LRRC69: variants seen among roughly 807,000 people sequenced by gnomAD.
LRRC69 encodes leucine rich repeat containing 69.
A neutral mutation model predicts 37.8 loss-of-function variants in LRRC69; 42 were observed. The observed-to-expected ratio is 1.11, with a 90% CI of 0.87 to 1.44. LRRC69 has a LOEUF of 1.44. Among genes scored for constraint, LRRC69 ranks in the 40% most tolerant of loss-of-function variants. The probability of loss-of-function intolerance (pLI) is 0.00; values close to 1 mark genes in which losing one functional copy is unlikely to be tolerated. For synonymous variants in LRRC69, 141 were observed against 143.1 expected, an observed-to-expected ratio of 0.99 and a Z score of 0.11; for missense variants, 357 against 401.9, an observed-to-expected ratio of 0.89 and a Z score of 0.96.
chr8:91,208,490 T>A (rs1809846194), intron 7 of LRRC69, among the ~76,000 whole-genome samples: 1 of 151,878 alleles, frequency 6.6e-6, no homozygotes, highest in South Asian at 2.1e-4. Context: ...ACAGGGAGAG[T>A]GGCACAAATT....
intron 5 of LRRC69, among the ~76,000 whole-genome samples, chr8:91,140,990 C>A (rs373183511): frequency 6.6e-6 from 1 of 151,924 alleles, no homozygotes; most frequent in Non-Finnish European, 1.5e-5. Context: ...GTTCTTCTAC[C>A]TTTTCTTTAT....
chr8:91,133,912 G>T (rs921540961), intron 4 of LRRC69, among the ~76,000 whole-genome samples: 1 of 151,980 alleles, frequency 6.6e-6, no homozygotes, highest in East Asian at 1.9e-4. Flanking sequence ...GATTATAGGC[G>T]TGAGCCACCG....
chr8:91,143,994 A>G (rs1309194577), intron 5 of LRRC69, among the ~76,000 whole-genome samples: 1 of 152,058 alleles, frequency 6.6e-6, no homozygotes, highest in African/African-American at 2.4e-5. Flanking sequence ...ACTTGTATAC[A>G]TCACATTGTT....
chr8:91,136,717 CT>C (rs1291314827), intron 5 of LRRC69, among the ~76,000 whole-genome samples: 1 of 151,930 alleles, frequency 6.6e-6, no homozygotes, highest in African/African-American at 2.4e-5. Context: ...GAAATAAGAT[CT>C]TTCCCCCCTT....
At chr8:91,151,633 A>T (rs1808739554) in intron 5 of LRRC69, among the ~76,000 whole-genome samples, 1 of 151,580 alleles carries the variant, frequency 6.6e-6, no homozygotes, top group Non-Finnish European at 1.5e-5. Flanking sequence ...TAATAGAATG[A>T]TTTATATCCC....
At chr8:91,155,831 C>T (rs1434782089) in intron 5 of LRRC69, among the ~76,000 whole-genome samples, 3 of 149,456 alleles carry the variant, frequency 2.0e-5, no homozygotes, top group African/African-American at 7.3e-5. Flanking sequence ...CTTTTTATGA[C>T]TAAATAATAT....
intron 3 of LRRC69, among the ~76,000 whole-genome samples, chr8:91,131,137 T>C (rs1248226889): frequency 1.3e-5 from 2 of 152,062 alleles, no homozygotes; most frequent in Admixed American, 1.3e-4. Context: ...TTGTAAGTTT[T>C]GAAATCAGGT....
At chr8:91,130,297 AG>A (rs1281515314) in intron 3 of LRRC69, 1 of 152,008 alleles carries the variant, frequency 6.6e-6, no homozygotes, top group African/African-American at 2.4e-5. Context: ...TTATTGAGAC[AG>A]AGTCTGGCCC....
exon 2 of LRRC69, chr8:91,124,498 A>G (rs1563596660): frequency 6.5e-7 from 1 of 1,532,562 alleles, no homozygotes; most frequent in East Asian, 2.5e-5. Context: ...TGCAGTTGAC[A>G]ACACTAAATC....
chr8:91,198,683 T>C (rs1340365725), intron 6 of LRRC69, among the ~76,000 whole-genome samples: 3 of 152,142 alleles, frequency 2.0e-5, no homozygotes, highest in Admixed American at 2.0e-4. Flanking sequence ...AAGGAGCAAT[T>C]TGAGTATTTT....
At chr8:91,169,595 T>A (rs1809089726) in intron 5 of LRRC69, among the ~76,000 whole-genome samples, 1 of 150,352 alleles carries the variant, frequency 6.7e-6, no homozygotes, top group African/African-American at 2.5e-5. Flanking sequence ...TATGTATACA[T>A]GTGCCATGCT....
At chr8:91,181,678 G>C (rs1296435636) in intron 5 of LRRC69, among the ~76,000 whole-genome samples, 1 of 152,176 alleles carries the variant, frequency 6.6e-6, no homozygotes, top group Non-Finnish European at 1.5e-5. Flanking sequence ...TATCAAGAGA[G>C]ACATTGTAGA....
intron 3 of LRRC69, among the ~76,000 whole-genome samples, chr8:91,129,360 T>A (rs1189131851): frequency 6.6e-6 from 1 of 152,012 alleles, no homozygotes; most frequent in Non-Finnish European, 1.5e-5. Flanking sequence ...AGATTTTCTT[T>A]GGAAAAGTAG....
At chr8:91,157,806 A>G in intron 5 of LRRC69, 1 of 1,607,660 alleles carries the variant, frequency 6.2e-7, no homozygotes, top group Non-Finnish European at 8.5e-7. Flanking sequence ...GAATGGGATT[A>G]TTCCCCACAA....
rs1809176895 is a variant in LRRC69 at position 91,173,905 on chromosome 8, A to G, written c.652-15617A>G. The stretch of plus-strand genomic sequence containing the variant: ...TTTCAACATAACGAATTTTTGGGGG[A>G]CACAAACATTCAGACCATAGCAATA... On this transcript the variant is annotated intron_variant, in intron 5 of 7. Transcript: ENST00000448384. 2.0e-5 allele frequency among the ~76,000 whole-genome samples: 3 copies of G among 151,934 alleles called. No homozygotes were observed. In the South Asian group the frequency reaches 6.3e-4, roughly 32 times the overall value.
intron 1 of LRRC69, among the ~76,000 whole-genome samples, chr8:91,117,015 G>A (rs189635122): frequency 1.6e-4 from 24 of 152,136 alleles, no homozygotes; most frequent in African/African-American, 5.3e-4. Flanking sequence ...CCACAGATAG[G>A]CTATAACTTT....
At chr8:91,112,177 C>T (rs1813419784) in intron 1 of LRRC69, among the ~76,000 whole-genome samples, 1 of 152,014 alleles carries the variant, frequency 6.6e-6, no homozygotes, top group South Asian at 2.1e-4. Flanking sequence ...TTTTCTCATT[C>T]CATGAAAATG....
chr8:91,206,842 A>G, intron 7 of LRRC69: 2 of 1,288,202 alleles, frequency 1.6e-6, no homozygotes, highest in Non-Finnish European at 2.0e-6. Flanking sequence ...GCAAGGAGAA[A>G]CCAAGTAATT....
At chr8:91,214,003 C>T (rs1410119194) in intron 7 of LRRC69, among the ~76,000 whole-genome samples, 2 of 151,794 alleles carry the variant, frequency 1.3e-5, no homozygotes, top group Admixed American at 6.6e-5. Flanking sequence ...GGGGGAAAAC[C>T]GGTGAGATAT....
Sources: allele counts gnomAD v4.1 joint callset (sites outside exome capture counted in the v4.1 genomes callset), GRCh38; gene constraint gnomAD v4.1.1; transcripts MANE v1.5; gene names NCBI Gene and HGNC (gene_info 2026-07-23, HGNC 2026-07-21).